SYNE3: variants seen among roughly 807,000 people sequenced by gnomAD.
SYNE3 encodes spectrin repeat containing nuclear envelope family member 3.
In SYNE3, 100 loss-of-function variants were observed where a neutral mutation model predicts 111.2. That is an observed-to-expected ratio of 0.90 (90% confidence interval 0.77 to 1.06). SYNE3 has a LOEUF of 1.06. Among genes scored for constraint, SYNE3 ranks in the 50% least tolerant of loss-of-function variants. The pLI is 0.00. For missense variants in SYNE3, 1,160 were observed against 1,240.3 expected (o/e 0.94, Z 0.97); for synonymous variants, 547 against 533.9 (o/e 1.02, Z -0.34).
chr14:95,466,608 C>A (rs8007565), intron 3 of SYNE3, among the ~76,000 whole-genome samples: 2 of 151,978 alleles, frequency 1.3e-5, no homozygotes, highest in African/African-American at 2.4e-5. Flanking sequence ...ACAGACACCC[C>A]CAGTCATTTC....
At chr14:95,467,112 C>T (rs188119510) in intron 3 of SYNE3, among the ~76,000 whole-genome samples, 10 of 152,304 alleles carry the variant, frequency 6.6e-5, no homozygotes, top group Admixed American at 5.9e-4. Context: ...GAATTTCCAG[C>T]GCAAGGATTT....
In SYNE3 at chr14:95,460,902, C is replaced by T. The variant is rs143414775; in HGVS notation, c.628-3564G>A. On this transcript the variant is annotated intron_variant, in intron 4 of 17. Transcript: ENST00000682763. ...CCCATGGAAGTGCCGGCCGTGGCTG[C>T]TAGTGTGTGAAGGATGAGGTGCTGG... 5.2e-3 allele frequency among the ~76,000 whole-genome samples: 798 copies of T among 152,270 alleles called. 4 individuals are homozygous for T. The highest frequency in any genetic ancestry group is 5.8e-3 in the Non-Finnish European group (397 of 68,024).
intron 17 of SYNE3, among the ~76,000 whole-genome samples, chr14:95,425,327 A>C (rs2139354732): frequency 6.6e-6 from 1 of 152,332 alleles, no homozygotes; most frequent in Admixed American, 6.5e-5. Flanking sequence ...GCATGTTGAC[A>C]GGTAAAAGAA....
intron 1 of SYNE3, among the ~76,000 whole-genome samples, chr14:95,513,865 C>T (rs916275995): frequency 3.8e-4 from 57 of 150,794 alleles, no homozygotes; most frequent in Middle Eastern, 3.4e-3. Context: ...GATGAACGTA[C>T]AACTTTGTCC....
intron 14 of SYNE3, 101 bp downstream of exon 14, chr14:95,438,932 C>T: frequency 2.0e-6 from 3 of 1,510,964 alleles, no homozygotes; most frequent in Non-Finnish European, 2.7e-6. Context: ...CAGAGCAGAG[C>T]ATGTTGCCCC....
chr14:95,414,203 GTCC>G lies in SYNE3; in HGVS notation c.*3620_*3622del, dbSNP rs1352177590. 1 of 152,194 alleles carries G rather than the reference GTCC, an allele frequency of 6.6e-6. No homozygotes were observed. The highest frequency in any genetic ancestry group is 1.9e-4 in the East Asian group (1 of 5,182). The allele number at this position is 152,194 out of a possible 1,614,324, so 9.4% of individuals were successfully genotyped here. A position where few individuals can be genotyped will look rare whatever the true frequency, so the allele number is the denominator to read the frequency against. On this transcript the variant is annotated 3_prime_UTR_variant, in exon 18 of 18. Transcript: ENST00000682763. ...GCCCCCCTCCAGCCTGGGCTTTGGG[GTCC>G]TCATTGCCCCATGTTGTGGGTTTGG...
intron 9 of SYNE3, among the ~76,000 whole-genome samples, chr14:95,445,700 C>G (rs775167882): frequency 2.0e-5 from 3 of 152,188 alleles, no homozygotes; most frequent in Non-Finnish European, 2.9e-5. Context: ...CAGGTGGTGG[C>G]TAGGAAACCA....
chr14:95,446,288 A>G (rs181928816), intron 8 of SYNE3, among the ~76,000 whole-genome samples, 197 bp from the exon 9 acceptor site: 12 of 152,312 alleles, frequency 7.9e-5, no homozygotes, highest in Admixed American at 5.9e-4. Context: ...TTCGGGGTCA[A>G]CTTTGATTCC....
At chr14:95,456,079 G>A in intron 5 of SYNE3, 1 of 370,434 alleles carries the variant, frequency 2.7e-6, no homozygotes, top group Non-Finnish European at 4.8e-6. Flanking sequence ...GCTCCGTTCG[G>A]TTTCATTGTA....
chr14:95,439,950 G>A lies in SYNE3; in HGVS notation c.2037C>T (p.Gly679=), dbSNP rs775343322. The part of the protein sequence containing the change: ...QKLEAHRGEA[G]PGDAESQEAE... ...CCTCTTGGGACTCGGCATCCCCCGG[G>A]CCCGCCTCTCCCCGGTGTGCCTCCA... is the stretch of plus-strand genomic sequence containing the variant. Residue 679 remains glycine (G), a synonymous_variant, in exon 12 of 18, where the codon GGC becomes GGT. Transcript: ENST00000682763. 1.2e-6 allele frequency: 2 copies of A among 1,613,678 alleles called. No individual in the cohort carries two copies. Among genetic ancestry groups the A allele is most frequent in the South Asian group, 1.1e-5 (1 of 91,052 alleles).
intron 1 of SYNE3, among the ~76,000 whole-genome samples, chr14:95,488,407 T>C (rs949575362): frequency 6.6e-6 from 1 of 152,244 alleles, no homozygotes; most frequent in African/African-American, 2.4e-5. Flanking sequence ...TGTGGATTCA[T>C]GCACCCACGG....
intron 1 of SYNE3, among the ~76,000 whole-genome samples, chr14:95,497,688 C>G (rs1226448081): frequency 2.0e-5 from 3 of 152,144 alleles, no homozygotes; most frequent in African/African-American, 7.2e-5. Context: ...TGGTCTCCGT[C>G]ACATCTCCTC....
intron 1 of SYNE3, among the ~76,000 whole-genome samples, chr14:95,503,643 A>T (rs1272107023): frequency 1.0e-5 from 1 of 99,020 alleles, no homozygotes; most frequent in Non-Finnish European, 2.0e-5. Flanking sequence ...TTTTTGAGAC[A>T]GGTCTCTCTT....
At position 95,500,316 on chromosome 14, in the gene SYNE3, C is replaced by T. The variant is rs148180584; in HGVS notation, c.-15+16280G>A. 5.4e-4 allele frequency among the ~76,000 whole-genome samples: 83 copies of T among 152,306 alleles called. No homozygotes were observed. Among genetic ancestry groups the T allele is most frequent in the Admixed American group, 1.6e-3 (24 of 15,302 alleles). On this transcript the variant is annotated intron_variant, in intron 1 of 17. Coordinates refer to ENST00000682763, the MANE Select transcript of SYNE3 (RefSeq NM_152592.6). The surrounding 1 kb of genome is among the most constrained non-coding windows in gnomAD (Gnocchi z 4.7). ...CCAGAACTTTGAGACGCCAGGTTTA[C>T]GACGTGCCTGTGAGAAGCCGGGCAT...
intron 14 of SYNE3, 94 bp from the exon 15 acceptor site, chr14:95,437,075 C>T: frequency 6.5e-7 from 1 of 1,533,902 alleles, no homozygotes; most frequent in Admixed American, 1.8e-5. Context: ...GGGCAGGGAC[C>T]AGGACAAGAT....
At chr14:95,418,178 C>G (rs74078423) in intron 17 of SYNE3, 152 bp from the exon 18 acceptor site, 25,780 of 738,686 alleles carry the variant, frequency 0.035, 1,017 homozygotes, top group Admixed American at 0.12. Flanking sequence ...TGAAACAGGG[C>G]TAATGTAAGT....
intron 1 of SYNE3, among the ~76,000 whole-genome samples, chr14:95,481,962 G>A (rs963390310): frequency 2.6e-5 from 4 of 152,210 alleles, no homozygotes. Flanking sequence ...CCTGTGTCCT[G>A]GGGTCGCTGG....
In SYNE3 at chr14:95,409,792, T is replaced by C. The variant is rs1303335297; in HGVS notation, c.*8034A>G. 4.2e-5 allele frequency: 9 copies of C among 214,530 alleles called. No individual in the cohort carries two copies. The highest frequency in any genetic ancestry group is 7.6e-5 in the South Asian group (1 of 13,200). 13.3% of individuals were successfully genotyped at this position (214,530 alleles called of 1,614,324 possible). ...TAAGTCCTCTTTGACTCTGGGCCTC[T>C]GCTGAAGCAGCCTGCAGGCACTGGC... On this transcript the variant is annotated 3_prime_UTR_variant, in exon 18 of 18. Coordinates refer to ENST00000682763, the MANE Select transcript of SYNE3 (RefSeq NM_152592.6).
At chr14:95,440,174 G>A (rs1595192509) in intron 11 of SYNE3, 99 bp from the exon 12 acceptor site, 2 of 1,417,694 alleles carry the variant, frequency 1.4e-6, no homozygotes, top group East Asian at 4.7e-5. Context: ...ACCCGCTGGG[G>A]ACCCCAGGGC....
Sources: gnomAD v4.1 joint callset for allele counts (sites outside exome capture counted in the v4.1 genomes callset) on GRCh38, gnomAD v4.1.1 for gene constraint, Gnocchi (gnomAD v3.1) non-coding constraint, MANE v1.5 for transcripts, NCBI Gene and HGNC (gene_info 2026-07-23, HGNC 2026-07-21) for gene names.